Variants in OSBPL2 observed in about 807,000 individuals in gnomAD.
OSBPL2 encodes oxysterol binding protein like 2, also known as oxysterol-binding protein-related protein 2.
A neutral mutation model predicts 58.4 loss-of-function variants in OSBPL2; 18 were observed. The observed-to-expected ratio is 0.31, with a 90% CI of 0.21 to 0.46. The LOEUF (loss-of-function observed/expected upper bound fraction) is 0.46, where lower values mean the gene tolerates loss of function less well. Among genes scored for constraint, OSBPL2 ranks in the 20% least tolerant of loss-of-function variants. The pLI is 1.00. For synonymous variants in OSBPL2, 221 were observed against 234.1 expected (o/e 0.94, Z 0.51); for missense variants, 461 against 616.5 (o/e 0.75, Z 2.67).
At chr20:62,266,278 G>T (rs1981652337) in intron 4 of OSBPL2, among the ~76,000 whole-genome samples, 1 of 152,198 alleles carries the variant, frequency 6.6e-6, no homozygotes, top group African/African-American at 2.4e-5. Context: ...AAGGCGCTGG[G>T]AGGGGCCTTG....
At chr20:62,270,090 C>T (rs940340000) in intron 4 of OSBPL2, among the ~76,000 whole-genome samples, 3 of 152,218 alleles carry the variant, frequency 2.0e-5, no homozygotes, top group Non-Finnish European at 2.9e-5. Flanking sequence ...CCAGGCAGAG[C>T]GCGTCCTTGT....
intron 1 of OSBPL2, among the ~76,000 whole-genome samples, chr20:62,252,517 G>T (rs992362046): frequency 1.3e-5 from 2 of 152,172 alleles, no homozygotes; most frequent in Non-Finnish European, 2.9e-5. Flanking sequence ...TTTCAATGTG[G>T]TTGATTTTCT....
At chr20:62,273,197 C>T (rs1438201055) in intron 5 of OSBPL2, 112 bp from the exon 6 acceptor site, 5 of 819,400 alleles carry the variant, frequency 6.1e-6, no homozygotes, top group Admixed American at 2.5e-5. Flanking sequence ...AAAACGCACA[C>T]GGAACAAATA....
intron 4 of OSBPL2, chr20:62,264,784 G>A (rs1160742520): frequency 2.0e-5 from 3 of 152,170 alleles, no homozygotes; most frequent in Non-Finnish European, 4.4e-5. Flanking sequence ...CAGTGTCCCC[G>A]ATGTCGTTTC....
chr20:62,280,608 G>T lies in OSBPL2; in HGVS notation c.675-450G>T, dbSNP rs78271639. Among the ~76,000 whole-genome samples the T allele has an allele frequency of 7.7e-3, 1,177 of 152,314 alleles. 21 individuals are homozygous for T. The highest frequency in any genetic ancestry group is 0.026 in the African/African-American group (1,078 of 41,560). On this transcript the variant is annotated intron_variant, in intron 7 of 13. Transcript: ENST00000313733. ...GTGGGGTGTTTTCTTCTTGGGCAGGGCCATTTGGGAGGATGAGGAGTAAAG... is the reference window on the plus strand; with the variant it reads ...GTGGGGTGTTTTCTTCTTGGGCAGGTCCATTTGGGAGGATGAGGAGTAAAG...
intron 1 of OSBPL2, among the ~76,000 whole-genome samples, chr20:62,248,390 A>G (rs1434766850): frequency 1.3e-5 from 2 of 150,922 alleles, no homozygotes; most frequent in Non-Finnish European, 3.0e-5. Context: ...TCCTGACCTC[A>G]GGTGATCCGT....
Position 62,263,649 on chromosome 20 carries a change from C to G in OSBPL2, c.216C>G (p.Ser72Arg). Residue 72 changes from serine to arginine, a missense_variant, in exon 4 of 14, where the codon AGC (serine) becomes AGG (arginine). Transcript: ENST00000313733. ...TGCCGGCTCCCATGTTCAGCAGAAG[C>G]GACTTCAGCGTGTGGACCATCCTGA... is the stretch of plus-strand genomic sequence containing the variant. ...TSLPAPMFSR[S>R]DFSVWTILKK... 1.2e-6 allele frequency: 2 copies of G among 1,614,134 alleles called. No homozygotes were observed. The highest frequency in any genetic ancestry group is 1.7e-6 in the Non-Finnish European group (2 of 1,180,024).
At chr20:62,293,153 G>A (rs1477245253) in intron 13 of OSBPL2, among the ~76,000 whole-genome samples, 9 of 151,372 alleles carry the variant, frequency 5.9e-5, no homozygotes, top group African/African-American at 1.7e-4. Context: ...GTGAGCCACC[G>A]CGCCCGGCCT....
chr20:62,272,096 T>C (rs780303293), intron 4 of OSBPL2, 29 bp from the exon 5 acceptor site: 2 of 1,612,576 alleles, frequency 1.2e-6, no homozygotes, highest in African/African-American at 2.7e-5. Context: ...AAGGCAGCAG[T>C]AACCAGCGAG....
chr20:62,248,854 G>T (rs767275098), intron 1 of OSBPL2, among the ~76,000 whole-genome samples: 3 of 151,992 alleles, frequency 2.0e-5, no homozygotes, highest in Non-Finnish European at 4.4e-5. Flanking sequence ...ACTGTGCCCA[G>T]CTAATTTATT....
chr20:62,267,151 A>G (rs1981727203), intron 4 of OSBPL2, among the ~76,000 whole-genome samples: 6 of 152,160 alleles, frequency 3.9e-5, no homozygotes. Flanking sequence ...TGGCTGATGT[A>G]GGAGGATCAC....
chr20:62,276,874 T>A (rs1982414423), intron 6 of OSBPL2, among the ~76,000 whole-genome samples: 1 of 152,258 alleles, frequency 6.6e-6, no homozygotes, highest in African/African-American at 2.4e-5. Flanking sequence ...GCCAGCCTTC[T>A]CGTCCTCTGG....
intron 1 of OSBPL2, among the ~76,000 whole-genome samples, chr20:62,245,745 G>A (rs1041131238): frequency 1.3e-5 from 2 of 152,258 alleles, no homozygotes; most frequent in African/African-American, 4.8e-5. Context: ...ACGGGCTGCA[G>A]ATGGTGACGA....
rs141170235 is a variant in OSBPL2 at position 62,291,787 on chromosome 20, A to G, written c.1334A>G (p.Gln445Arg). Reference sequence around the variant, plus strand: ...CGGGCCAAGGAGGAGGCAGAGTGGCAGACGAGGTGAGTACTGTGGTAGCCA... The same window carrying G: ...CGGGCCAAGGAGGAGGCAGAGTGGCGGACGAGGTGAGTACTGTGGTAGCCA... The part of the protein sequence containing the change: ...RERAKEEAEW[Q>R]TRWFYPGNNP... Residue 445 changes from glutamine to arginine, a missense_variant, in exon 13 of 14, where the codon CAG becomes CGG. Coordinates refer to ENST00000313733, the MANE Select transcript of OSBPL2 (RefSeq NM_144498.4). 23 of 1,583,682 alleles carry G rather than the reference A, an allele frequency of 1.5e-5. No homozygotes were observed. The highest frequency in any genetic ancestry group is 1.8e-5 in the Non-Finnish European group (21 of 1,165,206).
At chr20:62,255,653 G>A (rs1266552993) in intron 1 of OSBPL2, among the ~76,000 whole-genome samples, 8 of 152,036 alleles carry the variant, frequency 5.3e-5, no homozygotes, top group Non-Finnish European at 7.4e-5. Context: ...ATAGGCGTGC[G>A]CCACCACGCC....
Position 62,272,055 on chromosome 20 carries a change from C to G in OSBPL2, c.259-70C>G, listed in dbSNP as rs576404881. On this transcript the variant is annotated intron_variant, in intron 4 of 13. Coordinates refer to ENST00000313733, the MANE Select transcript of OSBPL2 (RefSeq NM_144498.4). ...CGGCTCCATGAAGGGATGCTCAGAG[C>G]AGGGGCATCGGGCAGCCCAGCGGTG... 36 of 1,570,316 alleles carry G rather than the reference C, an allele frequency of 2.3e-5. No individual in the cohort carries two copies. The Admixed American group carries it at 4.1e-4, about 18-fold the overall frequency.
intron 1 of OSBPL2, among the ~76,000 whole-genome samples, chr20:62,248,155 C>CTTTTTTTT (rs11470491): frequency 7.6e-5 from 9 of 118,838 alleles, no homozygotes; most frequent in East Asian, 2.4e-4. Context: ...CTTTTCTTTT[C>CTTTTTTTT]TTTTTTTTTT....
At chr20:62,293,065 G>A (rs1983627548) in intron 13 of OSBPL2, among the ~76,000 whole-genome samples, 1 of 151,688 alleles carries the variant, frequency 6.6e-6, no homozygotes, top group East Asian at 1.9e-4. Flanking sequence ...TAGTAGAGAC[G>A]GGGTTTCCCC....
intron 1 of OSBPL2, among the ~76,000 whole-genome samples, chr20:62,241,263 G>C (rs984879374): frequency 1.4e-4 from 21 of 152,082 alleles, no homozygotes; most frequent in African/African-American, 5.1e-4. Flanking sequence ...CGCGAACTCA[G>C]CTCACTGCAA....
Sources: allele counts gnomAD v4.1 joint callset (sites outside exome capture counted in the v4.1 genomes callset), GRCh38; gene constraint gnomAD v4.1.1; transcripts MANE v1.5; gene names NCBI Gene and HGNC (gene_info 2026-07-23, HGNC 2026-07-21).